Variants in SOX5 observed in about 807,000 individuals in gnomAD.
The protein encoded by SOX5 is SRY-box transcription factor 5.
SOX5 carries 9 observed loss-of-function variants against 92.0 expected under a neutral mutation model. The ratio of observed to expected loss-of-function variants is 0.10; its 90% CI spans 0.06 to 0.17. SOX5 has a LOEUF of 0.17. Among genes scored for constraint, SOX5 ranks in the 10% least tolerant of loss-of-function variants. The pLI is 1.00. For synonymous variants in SOX5, 344 were observed against 336.3 expected (o/e 1.02, Z -0.25); for missense variants, 642 against 944.5 (o/e 0.68, Z 4.20).
intron 4 of SOX5, among the ~76,000 whole-genome samples, chr12:24,176,521 T>C (rs1454265155): frequency 6.6e-6 from 1 of 152,222 alleles, no homozygotes; most frequent in Non-Finnish European, 1.5e-5. Flanking sequence ...GTGAATGTCA[T>C]TACAGCCTGC....
chr12:24,175,038 C>T (rs1394756103), intron 4 of SOX5, among the ~76,000 whole-genome samples: 1 of 152,176 alleles, frequency 6.6e-6, no homozygotes, highest in Non-Finnish European at 1.5e-5. Context: ...GGCCTTACCT[C>T]AAAGCTCAGA....
intron 3 of SOX5, among the ~76,000 whole-genome samples, chr12:23,814,651 T>G (rs2095949825): frequency 6.6e-6 from 1 of 152,220 alleles, no homozygotes; most frequent in Non-Finnish European, 1.5e-5. Flanking sequence ...CAACTTCTTT[T>G]AAGATAACAG....
At chr12:23,838,407 A>G (rs569499798) in intron 3 of SOX5, among the ~76,000 whole-genome samples, 35 of 151,908 alleles carry the variant, frequency 2.3e-4, no homozygotes, top group African/African-American at 8.2e-4. Flanking sequence ...CAAATTCTCA[A>G]TAAAAGTGAG....
At chr12:23,670,335 A>G (rs1381096469) in intron 6 of SOX5, among the ~76,000 whole-genome samples, 1 of 152,208 alleles carries the variant, frequency 6.6e-6, no homozygotes, top group East Asian at 1.9e-4. Flanking sequence ...GCAAATGTAG[A>G]CTATTCTTCA....
At chr12:24,432,767 G>A (rs1828134) in intron 1 of SOX5, among the ~76,000 whole-genome samples, 36,260 of 151,974 alleles carry the variant, frequency 0.24, 5,508 homozygotes, top group East Asian at 0.66. Flanking sequence ...AGCCAAGATC[G>A]CACCACTGCA....
intron 1 of SOX5, among the ~76,000 whole-genome samples, chr12:24,490,064 G>A (rs1414638557): frequency 6.6e-6 from 1 of 152,212 alleles, no homozygotes; most frequent in East Asian, 1.9e-4. Context: ...AAGTCTTACT[G>A]CAGTGGATGG....
chr12:23,682,989 G>T (rs1178155600), intron 6 of SOX5, among the ~76,000 whole-genome samples: 2 of 151,748 alleles, frequency 1.3e-5, no homozygotes, highest in South Asian at 2.1e-4. Flanking sequence ...TATCATAAAG[G>T]CAAAAATTAT....
chr12:24,074,515 T>C (rs1028126078), intron 4 of SOX5, among the ~76,000 whole-genome samples: 5 of 151,524 alleles, frequency 3.3e-5, no homozygotes, highest in African/African-American at 1.2e-4. Flanking sequence ...TGACAGACAG[T>C]TGCAATATGG....
chr12:24,105,033 T>A (rs1946520010), intron 4 of SOX5, among the ~76,000 whole-genome samples: 1 of 152,180 alleles, frequency 6.6e-6, no homozygotes, highest in African/African-American at 2.4e-5. Context: ...ACACAGTATA[T>A]CATCTACTGA....
chr12:23,798,632 A>AACAC (rs750957122), intron 3 of SOX5, among the ~76,000 whole-genome samples: 1 of 150,052 alleles, frequency 6.7e-6, no homozygotes, highest in Non-Finnish European at 1.5e-5. Context: ...TCTCTCTTAC[A>AACAC]ACACACACAC....
intron 10 of SOX5, among the ~76,000 whole-genome samples, chr12:23,567,464 A>AT (rs35620007): frequency 0.35 from 42,184 of 118,956 alleles, 7,687 homozygotes; most frequent in East Asian, 0.39. Flanking sequence ...ATTTGATTTG[A>AT]TTTTTTTTTT....
At chr12:23,780,370 T>A (rs958576612) in intron 3 of SOX5, among the ~76,000 whole-genome samples, 3 of 151,972 alleles carry the variant, frequency 2.0e-5, no homozygotes, top group Non-Finnish European at 4.4e-5. Context: ...TTTATAGATT[T>A]TTTTCTTCAA....
At chr12:23,848,174 T>C (rs888509952) in intron 2 of SOX5, among the ~76,000 whole-genome samples, 1 of 152,118 alleles carries the variant, frequency 6.6e-6, no homozygotes, top group African/African-American at 2.4e-5. Context: ...TGCTTTCACA[T>C]TATATGATGA....
At chr12:23,872,880 A>G (rs1007676511) in intron 2 of SOX5, among the ~76,000 whole-genome samples, 1 of 152,256 alleles carries the variant, frequency 6.6e-6, no homozygotes, top group Non-Finnish European at 1.5e-5. Flanking sequence ...GGATATTAAA[A>G]GAGTGATAAA....
intron 2 of SOX5, among the ~76,000 whole-genome samples, chr12:24,330,778 C>A (rs955339965): frequency 1.3e-5 from 2 of 152,180 alleles, no homozygotes; most frequent in African/African-American, 4.8e-5. Context: ...GAGACCTAAA[C>A]ACAATCATTT....
chr12:24,149,687 A>G (rs552034151), intron 4 of SOX5, among the ~76,000 whole-genome samples: 215 of 152,330 alleles, frequency 1.4e-3, no homozygotes, highest in Non-Finnish European at 2.6e-3. Flanking sequence ...AAGATATTCA[A>G]GAATATGGCC....
intron 3 of SOX5, among the ~76,000 whole-genome samples, chr12:24,268,253 G>A (rs1057296759): frequency 2.0e-5 from 3 of 152,098 alleles, no homozygotes; most frequent in Non-Finnish European, 4.4e-5. Context: ...TTTGTATGTA[G>A]AGCACGAAGA....
At chr12:24,155,819 G>A (rs1042307907) in intron 4 of SOX5, among the ~76,000 whole-genome samples, 15 of 152,150 alleles carry the variant, frequency 9.9e-5, no homozygotes, top group African/African-American at 3.6e-4. Context: ...AGGAAGGAGG[G>A]CAGGCCTGCA....
chr12:24,488,990 T>C (rs1597239217), intron 1 of SOX5, among the ~76,000 whole-genome samples: 1 of 152,234 alleles, frequency 6.6e-6, no homozygotes. Flanking sequence ...ATTGTGCTAA[T>C]GCACCATTTG....
Sources: gnomAD v4.1 joint callset for allele counts (sites outside exome capture counted in the v4.1 genomes callset) on GRCh38, gnomAD v4.1.1 for gene constraint, MANE v1.5 for transcripts, NCBI Gene and HGNC (gene_info 2026-07-23, HGNC 2026-07-21) for gene names.